SULF1: variants seen among roughly 807,000 people sequenced by gnomAD.
SULF1 encodes the protein extracellular sulfatase Sulf-1.
SULF1 carries 46 observed loss-of-function variants against 110.5 expected under a neutral mutation model. The ratio of observed to expected loss-of-function variants is 0.42; its 90% CI spans 0.33 to 0.53. The LOEUF is 0.53. SULF1 is among the 20% of genes least tolerant of loss of function. The pLI, the probability that SULF1 is intolerant of heterozygous loss-of-function variation, is 0.12. For missense variants in SULF1, 941 were observed against 1,094.2 expected (o/e 0.86, Z 1.98); for synonymous variants, 371 against 387.1 (o/e 0.96, Z 0.49).
intron 13 of SULF1, among the ~76,000 whole-genome samples, chr8:69,607,649 C>T (rs910254414): frequency 6.6e-6 from 1 of 152,214 alleles, no homozygotes; most frequent in Non-Finnish European, 1.5e-5. Flanking sequence ...CAGGAGCGAG[C>T]CTCCATGCCC....
At chr8:69,492,648 A>G (rs763907497), upstream of SULF1, 1 of 152,242 alleles carries the variant, frequency 6.6e-6, no homozygotes, top group Non-Finnish European at 1.5e-5. Flanking sequence ...CGAGGTTTGC[A>G]TGCACATATT....
At chr8:69,635,039 G>A (rs567457230) in intron 19 of SULF1, among the ~76,000 whole-genome samples, 449 of 152,212 alleles carry the variant, frequency 2.9e-3, no homozygotes, top group Non-Finnish European at 4.8e-3. Context: ...CAGGTGATCC[G>A]CCCACTGCAG....
intron 5 of SULF1, among the ~76,000 whole-genome samples, chr8:69,573,054 C>A (rs571477331): frequency 6.6e-6 from 1 of 152,264 alleles, no homozygotes; most frequent in South Asian, 2.1e-4. Flanking sequence ...CTTGAATTCC[C>A]CGCCTCAGGT....
rs538923275 is a variant in SULF1 at position 69,532,140 on chromosome 8, C to T, written c.-134+30172C>T. Among the ~76,000 whole-genome samples, 15 of 152,268 alleles carry T rather than the reference C, an allele frequency of 9.9e-5. 1 individual carries two copies. In the South Asian group the frequency reaches 3.1e-3, roughly 32 times the overall value. On this transcript the variant is annotated intron_variant, in intron 3 of 22. Coordinates refer to ENST00000402687, the MANE Select transcript of SULF1 (RefSeq NM_001128205.2). Reference sequence around the variant, plus strand: ...TGAGAAACAAACCTTCATGGCTATTCTTCGTTAAATAAAGTAGCATACCCA... The same window carrying T: ...TGAGAAACAAACCTTCATGGCTATTTTTCGTTAAATAAAGTAGCATACCCA...
chr8:69,475,442 C>G (rs1166443651), intron 1 of SULF1, among the ~76,000 whole-genome samples: 3 of 151,816 alleles, frequency 2.0e-5, no homozygotes, highest in African/African-American at 7.3e-5. Context: ...CTATTCCCAT[C>G]GACGCAGTGG....
At chr8:69,589,662 A>G (rs1169806322) in intron 8 of SULF1, among the ~76,000 whole-genome samples, 1 of 149,420 alleles carries the variant, frequency 6.7e-6, no homozygotes, top group Non-Finnish European at 1.5e-5. Flanking sequence ...CTTTAAAATA[A>G]CCTGATTTTT....
chr8:69,634,987 G>T (rs1810872042), intron 19 of SULF1, among the ~76,000 whole-genome samples: 1 of 152,118 alleles, frequency 6.6e-6, no homozygotes, highest in African/African-American at 2.4e-5. Context: ...GTAGAGAAGG[G>T]GTTTCGCCAT....
At chr8:69,576,334 C>G in intron 6 of SULF1, 125 bp downstream of exon 6, 1 of 1,110,440 alleles carries the variant, frequency 9.0e-7, no homozygotes, top group Non-Finnish European at 1.3e-6. Context: ...TGTTTTTAAA[C>G]TGCTTGACAT....
rs548432777 is a variant in SULF1, at chr8:69,601,669, G to T, written c.901G>T (p.Val301Leu). 9.9e-6 allele frequency: 16 copies of T among 1,610,150 alleles called. No homozygotes were observed. The highest frequency in any genetic ancestry group is 6.7e-5 in the East Asian group (3 of 44,710). ...TGTATTTCAGCTGTATAACATGCTC[G>T]TGGAGACGGGGGAGCTGGAGAATAC... is the stretch of plus-strand genomic sequence containing the variant. Reference protein sequence around the residue: ...DSVERLYNMLVETGELENTYI... With the variant: ...DSVERLYNMLLETGELENTYI... The change falls in exon 10 of 23, where the codon GTG (valine) becomes TTG (leucine). Residue 301 changes from valine (V) to leucine (L), a missense_variant. Coordinates refer to ENST00000402687, the MANE Select transcript of SULF1 (RefSeq NM_001128205.2).
intron 3 of SULF1, among the ~76,000 whole-genome samples, chr8:69,504,199 G>A (rs975559482): frequency 2.6e-5 from 4 of 152,090 alleles, no homozygotes; most frequent in African/African-American, 7.2e-5. Context: ...ACTGTGTTAT[G>A]TCTTCTTCAC....
intron 3 of SULF1, among the ~76,000 whole-genome samples, chr8:69,539,763 CT>C (rs112445427): frequency 1.4e-3 from 218 of 152,236 alleles, no homozygotes; most frequent in African/African-American, 4.9e-3. Context: ...TGAAGGGAGG[CT>C]TCACTGAGGT....
rs1241771139 is a variant in SULF1 at position 69,621,037 on chromosome 8, G to A, written c.1380G>A (p.Lys460=). ...TGCTTTCACGTTGGCTTTTGCAGAA[G>A]TGGCAATGCATTGAGGATACATCTG... ...YQTACEQPGQ[K]WQCIEDTSGK... The change falls in exon 14 of 23, where the codon AAG becomes AAA. Residue 460 remains lysine (K), a splice_region_variant and synonymous_variant. Coordinates refer to ENST00000402687, the MANE Select transcript of SULF1 (RefSeq NM_001128205.2). The A allele has an allele frequency of 6.3e-7, 1 of 1,593,874 alleles. No homozygotes were observed. The highest frequency in any genetic ancestry group is 8.6e-7 in the Non-Finnish European group (1 of 1,164,362).
At chr8:69,658,400 A>G (rs1040082931) in intron 22 of SULF1, 105 bp from the exon 23 acceptor site, 2 of 810,230 alleles carry the variant, frequency 2.5e-6, no homozygotes, top group African/African-American at 3.4e-5. Flanking sequence ...TTTGAGTGTC[A>G]TACTTCTCAT....
At chr8:69,523,390 T>C (rs4737981) in intron 3 of SULF1, among the ~76,000 whole-genome samples, 124,496 of 152,044 alleles carry the variant, frequency 0.82, 51,090 homozygotes, top group East Asian at 0.89. Context: ...GTGAAACAGA[T>C]ATTTGAGAGA....
At chr8:69,619,707 C>T (rs1234420284) in intron 13 of SULF1, among the ~76,000 whole-genome samples, 4 of 152,238 alleles carry the variant, frequency 2.6e-5, no homozygotes, top group African/African-American at 9.6e-5. Flanking sequence ...TCCCTGATCC[C>T]CTTCACAGGA....
chr8:69,578,830 C>G (rs73683989), intron 6 of SULF1, among the ~76,000 whole-genome samples: 3,767 of 152,148 alleles, frequency 0.025, 102 homozygotes, highest in African/African-American at 0.067. Flanking sequence ...AAAAGGAATT[C>G]TTTAAGGGAA....
chr8:69,631,771 A>G (rs1810570625), intron 19 of SULF1, among the ~76,000 whole-genome samples: 1 of 152,212 alleles, frequency 6.6e-6, no homozygotes, highest in Non-Finnish European at 1.5e-5. Context: ...CCCCGTGCCC[A>G]GAAAACACTA....
chr8:69,546,617 T>C (rs777474701), intron 3 of SULF1, among the ~76,000 whole-genome samples: 1 of 152,238 alleles, frequency 6.6e-6, no homozygotes, highest in Non-Finnish European at 1.5e-5. Flanking sequence ...AAAAAGACTT[T>C]AAAATGTTAA....
At chr8:69,627,358 T>C in intron 16 of SULF1, 52 bp downstream of exon 16, 1 of 1,377,278 alleles carries the variant, frequency 7.3e-7, no homozygotes, top group South Asian at 1.2e-5. Flanking sequence ...AAACTCGGCC[T>C]GCCAGCCCTG....
Sources: gnomAD v4.1 joint callset for allele counts (sites outside exome capture counted in the v4.1 genomes callset) on GRCh38, gnomAD v4.1.1 for gene constraint, MANE v1.5 for transcripts, NCBI Gene and HGNC (gene_info 2026-07-23, HGNC 2026-07-21) for gene names.